ADGRL2: variants seen among roughly 807,000 people sequenced by gnomAD.
The protein encoded by ADGRL2 is adhesion G protein-coupled receptor L2.
In ADGRL2, 44 loss-of-function variants were observed where a neutral mutation model predicts 157.4. That is an observed-to-expected ratio of 0.28 (90% CI 0.22 to 0.36). The LOEUF (loss-of-function observed/expected upper bound fraction) is 0.36, where lower values mean the gene tolerates loss of function less well. Ranked by LOEUF, ADGRL2 falls within the 10% of genes least tolerant of loss-of-function variation. The pLI, the probability that ADGRL2 is intolerant of heterozygous loss-of-function variation, is 1.00. For synonymous variants in ADGRL2, 585 were observed against 624.7 expected, an observed-to-expected ratio of 0.94 and a Z score of 0.95; for missense variants, 1,510 against 1,768.9, an observed-to-expected ratio of 0.85 and a Z score of 2.63.
In ADGRL2 at chr1:81,432,854, C is replaced by A. The variant is rs906234905; in HGVS notation, c.-301-12182C>A. ...ATGGGGAATGTGCAGCATCTATAAA[C>A]GTCTTTCCTTTGTACAATCATGGGC... On this transcript the variant is annotated intron_variant, in intron 1 of 24. Transcript: ENST00000370721. Among the ~76,000 whole-genome samples, 7 of 152,260 alleles carry A rather than the reference C, an allele frequency of 4.6e-5. 1 individual carries two copies. In the South Asian group the frequency reaches 1.2e-3, roughly 27 times the overall value.
chr1:81,354,845 G>T (rs1039616354), intron 1 of ADGRL2, among the ~76,000 whole-genome samples: 1 of 152,122 alleles, frequency 6.6e-6, no homozygotes, highest in Non-Finnish European at 1.5e-5. Context: ...GTAATTGTTT[G>T]CTGATTTATT....
At chr1:81,720,358 C>T (rs944936145) in intron 1 of ADGRL2, among the ~76,000 whole-genome samples, 6 of 151,848 alleles carry the variant, frequency 4.0e-5, no homozygotes, top group South Asian at 2.1e-4. Flanking sequence ...TTAGTAGTGA[C>T]GGGGTTTCAC....
At position 81,993,629 on chromosome 1, in the gene ADGRL2, A is replaced by T. The variant is rs1376909050; in HGVS notation, c.*2484A>T. ...ATTTTTAAAGCATTTCTTTTCAAAA[A>T]TATATAAATATTGCCTTAAATTCCA... On this transcript the variant is annotated 3_prime_UTR_variant, in exon 24 of 24. Transcript: ENST00000686636. 1.3e-5 allele frequency among the ~76,000 whole-genome samples: 2 copies of T among 152,188 alleles called. No individual in the cohort carries two copies. Among genetic ancestry groups the T allele is most frequent in the Admixed American group, 1.3e-4 (2 of 15,274 alleles).
intron 2 of ADGRL2, among the ~76,000 whole-genome samples, chr1:81,491,826 A>T (rs898332645): frequency 5.9e-5 from 9 of 152,216 alleles, no homozygotes; most frequent in African/African-American, 2.2e-4. Context: ...TCTATGCAAT[A>T]CTGTGCTCGC....
At chr1:81,362,074 C>T (rs1231315666) in intron 1 of ADGRL2, among the ~76,000 whole-genome samples, 1 of 151,858 alleles carries the variant, frequency 6.6e-6, no homozygotes, top group Non-Finnish European at 1.5e-5. Context: ...ATTAAGGCAT[C>T]CCAAGGTGCT....
chr1:81,405,164 A>G (rs1197924484), intron 1 of ADGRL2, among the ~76,000 whole-genome samples: 1 of 152,204 alleles, frequency 6.6e-6, no homozygotes, highest in Non-Finnish European at 1.5e-5. Context: ...GTGTAGCATG[A>G]GGAATGCCCA....
chr1:81,969,332 A>G lies in ADGRL2; in HGVS notation c.2678A>G (p.Asn893Ser). 4 of 1,614,016 alleles carry G rather than the reference A, an allele frequency of 2.5e-6. No individual in the cohort carries two copies. Among genetic ancestry groups the G allele is most frequent in the Non-Finnish European group, 2.5e-6 (3 of 1,179,912 alleles). Residue 893 changes from asparagine (N) to serine (S), a missense_variant, in exon 15 of 24, where the codon AAC becomes AGC. Asn to Ser is a conservative substitution (Grantham distance 46, BLOSUM62 1). This residue lies in a region of ADGRL2 where 497 missense variants were observed against 627.2 expected (regional missense o/e 0.79). Transcript: ENST00000686636. ...ACTATTCACAAGAACCTTTGTATCA[A>G]CCTTTTCATTGCTGAATTTATTTTC... Reference protein sequence around the residue: ...RNTIHKNLCINLFIAEFIFLI... With the variant: ...RNTIHKNLCISLFIAEFIFLI...
chr1:81,886,232 T>G (rs2094125582), intron 2 of ADGRL2, among the ~76,000 whole-genome samples: 1 of 152,124 alleles, frequency 6.6e-6, no homozygotes. Flanking sequence ...AGTGCAGTGG[T>G]GCGATCTCAG....
At chr1:81,787,961 CA>C (rs1406695933) in intron 2 of ADGRL2, among the ~76,000 whole-genome samples, 1 of 152,028 alleles carries the variant, frequency 6.6e-6, no homozygotes, top group Non-Finnish European at 1.5e-5. Context: ...CACCAGAGCT[CA>C]AACATTAAAA....
chr1:81,380,954 G>A (rs1437246442), intron 1 of ADGRL2, among the ~76,000 whole-genome samples: 2 of 151,786 alleles, frequency 1.3e-5, no homozygotes, highest in African/African-American at 4.8e-5. Flanking sequence ...AATAAATAAG[G>A]TTCCATCATC....
At position 81,367,651 on chromosome 1, in the gene ADGRL2, C is replaced by T. The variant is rs898329914; in HGVS notation, c.-302+61142C>T. ...CACTGCAACCTCTGCCTCCCGGTTT[C>T]AAGCAATTCTCCTGCCTCAGCATCC... On this transcript the variant is annotated intron_variant, in intron 1 of 24. Transcript: ENST00000370721. Among the ~76,000 whole-genome samples the T allele has an allele frequency of 1.0e-3, 152 of 152,304 alleles. 1 individual carries two copies. The highest frequency in any genetic ancestry group is 3.4e-3 in the African/African-American group (141 of 41,578).
intron 1 of ADGRL2, among the ~76,000 whole-genome samples, chr1:81,345,386 C>G (rs138775798): frequency 7.9e-5 from 12 of 152,300 alleles, no homozygotes; most frequent in Non-Finnish European, 1.0e-4. Context: ...TCCACTGATA[C>G]ATACGCATTT....
intron 2 of ADGRL2, among the ~76,000 whole-genome samples, chr1:81,553,096 A>G (rs1277371976): frequency 6.6e-6 from 1 of 152,202 alleles, no homozygotes; most frequent in Non-Finnish European, 1.5e-5. Context: ...ATTTGGGAAC[A>G]GAAAAGAGCT....
chr1:81,889,941 G>GT (rs2094217943), intron 2 of ADGRL2, among the ~76,000 whole-genome samples: 1 of 152,216 alleles, frequency 6.6e-6, no homozygotes, highest in South Asian at 2.1e-4. Context: ...TACAAGGATT[G>GT]TATGTGTGGG....
rs564297749 is a variant in ADGRL2, at chr1:81,461,935, G to T, written c.-248+16846G>T. 1.3e-3 allele frequency among the ~76,000 whole-genome samples: 196 copies of T among 146,918 alleles called. 3 individuals carry two copies. The highest frequency in any genetic ancestry group is 4.2e-3 in the African/African-American group (170 of 40,598). ...AAGAAGGAAGAAAAGAAGAAAGGGG[G>T]GGGGGGGTGGTGGAGAAAGAGAGAG... On this transcript the variant is annotated intron_variant, in intron 2 of 24. Coordinates refer to the ADGRL2 transcript ENST00000370721.
At chr1:81,615,756 C>CA (rs2081632621) in intron 3 of ADGRL2, among the ~76,000 whole-genome samples, 1 of 152,158 alleles carries the variant, frequency 6.6e-6, no homozygotes, top group African/African-American at 2.4e-5. Flanking sequence ...CACAGAAAAT[C>CA]AAAAAATCAA....
intron 3 of ADGRL2, among the ~76,000 whole-genome samples, chr1:81,661,375 G>C (rs564350017): frequency 6.6e-6 from 1 of 152,024 alleles, no homozygotes; most frequent in African/African-American, 2.4e-5. Flanking sequence ...ACACGTTTTT[G>C]GTTGCTCAGG....
intron 3 of ADGRL2, among the ~76,000 whole-genome samples, chr1:81,644,019 GGAA>G (rs2082269734): frequency 6.6e-6 from 1 of 152,084 alleles, no homozygotes; most frequent in African/African-American, 2.4e-5. Flanking sequence ...TGGTATTTGT[GGAA>G]GAAGAGACAA....
rs74098514 is a variant in ADGRL2 at position 81,933,910 on chromosome 1, C to A, written c.288-2818C>A. Among the ~76,000 whole-genome samples the A allele has an allele frequency of 3.8e-3, 581 of 152,096 alleles. 3 individuals carry two copies. The highest frequency in any genetic ancestry group is 0.014 in the African/African-American group (561 of 41,518). ...GATTTCTCTCCTTTCTGACCCTTAACTGTTTTAGCTCTAAATTTGCCATTT... is the reference window on the plus strand; with the variant it reads ...GATTTCTCTCCTTTCTGACCCTTAAATGTTTTAGCTCTAAATTTGCCATTT... On this transcript the variant is annotated intron_variant, in intron 3 of 23. Transcript: ENST00000686636.
Sources: gnomAD v4.1 joint callset for allele counts (sites outside exome capture counted in the v4.1 genomes callset) on GRCh38, gnomAD v4.1.1 for gene constraint, gnomAD v4.1.1 regional missense constraint, MANE v1.5 for transcripts, NCBI Gene and HGNC (gene_info 2026-07-23, HGNC 2026-07-21) for gene names.